IYD: variants seen among roughly 807,000 people sequenced by gnomAD.
IYD encodes iodotyrosine deiodinase 1.
IYD carries 25 observed loss-of-function variants against 28.4 expected under a neutral mutation model. That is an observed-to-expected ratio of 0.88 (90% CI 0.64 to 1.23). The LOEUF is 1.23. IYD is among the 50% of genes most tolerant of loss of function. The pLI is 0.00. For missense variants in IYD, 352 were observed against 357.9 expected (o/e 0.98, Z 0.13); for synonymous variants, 140 against 130.8 (o/e 1.07, Z -0.48).
intron 3 of IYD, 60 bp from the exon 4 acceptor site, chr6:150,394,039 T>C: frequency 1.4e-6 from 2 of 1,442,578 alleles, no homozygotes; most frequent in Non-Finnish European, 1.9e-6. Flanking sequence ...GAAGCTAAGG[T>C]AGTAAAAGAG....
rs536079140 is a variant in IYD, at chr6:150,399,252, A to G, written c.*1015A>G. On this transcript the variant is annotated 3_prime_UTR_variant, in exon 5 of 5. Transcript: ENST00000344419. ...AAACATTCATAGCTTGAAATTGCCC[A>G]TGGTGGGAGAGTTTACATCACAACC... 6.6e-6 allele frequency: 1 copy of G among 152,348 alleles called. No individual in the cohort carries two copies. Among genetic ancestry groups the G allele is most frequent in the East Asian group, 1.9e-4 (1 of 5,184 alleles). 9.4% of individuals were successfully genotyped at this position (152,348 alleles called of 1,614,324 possible).
rs886061181 is a variant in IYD at position 150,404,007 on chromosome 6, C to T, written c.*5770C>T. ...GAATAAAGGTTCTAAAATCAAAACC[C>T]TCTGAAGGGTGAAAACTGGGAGCCT... On this transcript the variant is annotated 3_prime_UTR_variant, in exon 5 of 5. Coordinates refer to ENST00000344419, the MANE Select transcript of IYD (RefSeq NM_203395.3). The T allele has an allele frequency of 2.6e-5, 4 of 152,138 alleles. No individual in the cohort carries two copies. Among genetic ancestry groups the T allele is most frequent in the Non-Finnish European group, 1.5e-5 (1 of 68,028 alleles). 9.4% of individuals were successfully genotyped at this position (152,138 alleles called of 1,614,324 possible).
intron 4 of IYD, among the ~76,000 whole-genome samples, chr6:150,397,285 T>C (rs1778357019): frequency 6.6e-6 from 1 of 151,872 alleles, no homozygotes; most frequent in South Asian, 2.1e-4. Context: ...AGCAGGAAAA[T>C]TGGCCAGGTA....
At chr6:150,394,915 A>C (rs1010433660) in intron 4 of IYD, among the ~76,000 whole-genome samples, 2 of 152,104 alleles carry the variant, frequency 1.3e-5, no homozygotes, top group South Asian at 4.2e-4. Flanking sequence ...TGCAGCCTTG[A>C]CCCCCGGGCT....
intron 1 of IYD, among the ~76,000 whole-genome samples, chr6:150,388,982 G>T (rs751075410): frequency 6.6e-6 from 1 of 152,066 alleles, no homozygotes; most frequent in Non-Finnish European, 1.5e-5. Context: ...GATTATAGGC[G>T]TAAGCCACCA....
chr6:150,392,725 A>G (rs1582797557), intron 3 of IYD, among the ~76,000 whole-genome samples: 1 of 152,328 alleles, frequency 6.6e-6, no homozygotes, highest in Admixed American at 6.5e-5. Flanking sequence ...ATAATTGAGG[A>G]ATTACTTCAC....
chr6:150,380,158 A>G (rs991678941), intron 1 of IYD, among the ~76,000 whole-genome samples: 1 of 152,224 alleles, frequency 6.6e-6, no homozygotes, highest in African/African-American at 2.4e-5. Flanking sequence ...TCTTCCAGGA[A>G]GATTTTGAGA....
Position 150,403,148 on chromosome 6 carries a change from A to G in IYD, c.*4911A>G, listed in dbSNP as rs939484066. ...GTATTCAAACTGATGTGATATTTTA[A>G]AAGACATTTTGTAAGCATCTTTTAG... is the stretch of plus-strand genomic sequence containing the variant. On this transcript the variant is annotated 3_prime_UTR_variant, in exon 5 of 5. Transcript: ENST00000344419. 1.3e-5 allele frequency: 2 copies of G among 152,226 alleles called. No individual in the cohort carries two copies. Among genetic ancestry groups the G allele is most frequent in the African/African-American group, 2.4e-5 (1 of 41,464 alleles). 9.4% of individuals were successfully genotyped at this position (152,226 alleles called of 1,614,324 possible). A position where few individuals can be genotyped will look rare whatever the true frequency, so the allele number is the denominator to read the frequency against.
chr6:150,387,214 T>C (rs1209010203), intron 1 of IYD, among the ~76,000 whole-genome samples: 1 of 152,024 alleles, frequency 6.6e-6, no homozygotes, highest in Non-Finnish European at 1.5e-5. Flanking sequence ...GAACCTGAAG[T>C]TTGGCACCTT....
rs745389570 is a variant in IYD at position 150,392,332 on chromosome 6, G to T, written c.371-13G>T. The stretch of plus-strand genomic sequence containing the variant: ...GCAGTTTTAATTTCTGATTTTAATG[G>T]AATGGGTGACAGGAACAGCCCCGAG... On this transcript the variant is annotated splice_polypyrimidine_tract_variant and intron_variant, in intron 2 of 4. Transcript: ENST00000344419. 7.4e-6 allele frequency: 12 copies of T among 1,612,540 alleles called. No individual in the cohort carries two copies. The highest frequency in any genetic ancestry group is 1.0e-5 in the Non-Finnish European group (12 of 1,179,866).
chr6:150,403,998 A>C lies in IYD; in HGVS notation c.*5761A>C, dbSNP rs755617407. On this transcript the variant is annotated 3_prime_UTR_variant, in exon 5 of 5. Transcript: ENST00000344419. ...AGGTAACTGGAATAAAGGTTCTAAA[A>C]TCAAAACCCTCTGAAGGGTGAAAAC... 6.6e-6 allele frequency: 1 copy of C among 152,192 alleles called. No individual in the cohort carries two copies. Among genetic ancestry groups the C allele is most frequent in the Non-Finnish European group, 1.5e-5 (1 of 68,042 alleles). 9.4% of individuals were successfully genotyped at this position (152,192 alleles called of 1,614,324 possible). A position where few individuals can be genotyped will look rare whatever the true frequency, so the allele number is the denominator to read the frequency against.
rs1778388352 is a variant in IYD at position 150,398,062 on chromosome 6, G to T, written c.695G>T (p.Gly232Val). ...CTTGTCCTCTTATTTTAGAATGCAG[G>T]TCTGGTGACTGTCACTACCACTCCT... Reference protein sequence around the residue: ...GILLAALQNAGLVTVTTTPLN... With the variant: ...GILLAALQNAVLVTVTTTPLN... Residue 232 changes from glycine (G) to valine (V), a missense_variant, in exon 5 of 5, where the codon GGT (glycine) becomes GTT (valine). By Grantham distance (109) the Gly-to-Val change is moderately radical (BLOSUM62 -3). Coordinates refer to ENST00000344419, the MANE Select transcript of IYD (RefSeq NM_203395.3). 6.2e-7 allele frequency: 1 copy of T among 1,614,128 alleles called. No homozygotes were observed. The highest frequency in any genetic ancestry group is 8.5e-7 in the Non-Finnish European group (1 of 1,180,004).
Position 150,398,159 on chromosome 6 carries a change from C to T in IYD, c.792C>T (p.Pro264=), listed in dbSNP as rs371592620. The T allele has an allele frequency of 2.7e-5, 44 of 1,614,082 alleles. No individual in the cohort carries two copies. Among genetic ancestry groups the T allele is most frequent in the Non-Finnish European group, 3.2e-5 (38 of 1,180,038 alleles). The part of the protein sequence containing the change: ...PAHEKLLMLL[P]VGYPSKEATV... ...ATGAAAAGCTGCTGATGCTGCTCCC[C>T]GTGGGGTACCCCAGCAAGGAGGCCA... The change falls in exon 5 of 5, where the codon CCC becomes CCT. Residue 264 remains proline, a synonymous_variant. Coordinates refer to ENST00000344419, the MANE Select transcript of IYD (RefSeq NM_203395.3).
intron 4 of IYD, among the ~76,000 whole-genome samples, chr6:150,395,085 G>A (rs1185808359): frequency 6.6e-6 from 1 of 152,174 alleles, no homozygotes; most frequent in African/African-American, 2.4e-5. Flanking sequence ...GCTTCCCAAA[G>A]TACTGGGATT....
At chr6:150,385,676 A>G (rs1465258755) in intron 1 of IYD, among the ~76,000 whole-genome samples, 3 of 151,796 alleles carry the variant, frequency 2.0e-5, no homozygotes, top group Admixed American at 6.6e-5. Context: ...TTAATGCCCT[A>G]CTTATGTTTG....
chr6:150,369,139 C>T lies in IYD; in HGVS notation c.108C>T (p.Thr36=), dbSNP rs774238810. ...AGAAAAAGAAGGGGGAGCCTAGAAC[C>T]AGGGCCGAAGCTCGCCCCTGGGTGG... ...SMEKKKGEPR[T]RAEARPWVDE... Residue 36 remains threonine, a synonymous_variant, in exon 1 of 5, where the codon ACC becomes ACT. Transcript: ENST00000344419. The T allele has an allele frequency of 1.2e-6, 2 of 1,613,904 alleles. No homozygotes were observed. The highest frequency in any genetic ancestry group is 2.2e-5 in the South Asian group (2 of 91,072).
intron 4 of IYD, chr6:150,396,669 T>G (rs1421597889): frequency 2.6e-6 from 1 of 391,300 alleles, no homozygotes; most frequent in African/African-American, 2.1e-5. Flanking sequence ...GGTCAGGAGA[T>G]CGAGACCATC....
Position 150,369,137 on chromosome 6 carries a change from A to G in IYD, c.106A>G (p.Thr36Ala), listed in dbSNP as rs1777128364. The G allele has an allele frequency of 1.2e-6, 2 of 1,613,884 alleles. No individual in the cohort carries two copies. Among genetic ancestry groups the G allele is most frequent in the East Asian group, 4.5e-5 (2 of 44,850 alleles). ...SMEKKKGEPR[T>A]RAEARPWVDE... is the part of the protein sequence containing the mutation. ...GGAGAAAAAGAAGGGGGAGCCTAGAACCAGGGCCGAAGCTCGCCCCTGGGT... is the reference window on the plus strand; with the variant it reads ...GGAGAAAAAGAAGGGGGAGCCTAGAGCCAGGGCCGAAGCTCGCCCCTGGGT... Residue 36 changes from threonine to alanine, a missense_variant, in exon 1 of 5, where the codon ACC (threonine) becomes GCC (alanine). Coordinates refer to ENST00000344419, the MANE Select transcript of IYD (RefSeq NM_203395.3).
At chr6:150,395,295 A>G (rs908298034) in intron 4 of IYD, 7 of 791,242 alleles carry the variant, frequency 8.8e-6, no homozygotes, top group Non-Finnish European at 1.4e-5. Flanking sequence ...TTTGAGAGAC[A>G]ATGGATTAAA....
Sources: gnomAD v4.1 joint callset for allele counts (sites outside exome capture counted in the v4.1 genomes callset) on GRCh38, gnomAD v4.1.1 for gene constraint, MANE v1.5 for transcripts, NCBI Gene and HGNC (gene_info 2026-07-23, HGNC 2026-07-21) for gene names.